Variants in EXOC6B observed in about 807,000 individuals in gnomAD.
EXOC6B encodes SEC15 homolog B.
Under a neutral mutation model 113.5 loss-of-function variants are expected in EXOC6B, and 54 were observed. The ratio of observed to expected loss-of-function variants is 0.48; its 90% CI spans 0.38 to 0.60. The LOEUF (loss-of-function observed/expected upper bound fraction) is 0.60, where lower values mean the gene tolerates loss of function less well. Ranked by LOEUF, EXOC6B falls within the 20% of genes least tolerant of loss-of-function variation. The pLI is 0.00. For missense variants in EXOC6B, 797 were observed against 977.5 expected (o/e 0.82, Z 2.46); for synonymous variants, 357 against 339.0 (o/e 1.05, Z -0.58).
chr2:72,506,828 A>C (rs1700620675), intron 11 of EXOC6B, among the ~76,000 whole-genome samples: 1 of 152,104 alleles, frequency 6.6e-6, no homozygotes, highest in South Asian at 2.1e-4. Flanking sequence ...TTTTGGACTG[A>C]AGGACTAGGT....
At chr2:72,617,339 G>A (rs1260584555) in intron 6 of EXOC6B, among the ~76,000 whole-genome samples, 3 of 152,148 alleles carry the variant, frequency 2.0e-5, no homozygotes, top group East Asian at 3.9e-4. Context: ...CCACTAGGTG[G>A]TGTCCCAGTA....
At chr2:72,218,962 TA>T (rs57748151) in intron 20 of EXOC6B, among the ~76,000 whole-genome samples, 25,109 of 141,396 alleles carry the variant, frequency 0.18, 2,260 homozygotes, top group Non-Finnish European at 0.22. Context: ...TGCTATTTCT[TA>T]AAAAAAAAAA....
At chr2:72,301,643 C>T (rs542931395) in intron 20 of EXOC6B, among the ~76,000 whole-genome samples, 3 of 152,186 alleles carry the variant, frequency 2.0e-5, no homozygotes, top group Admixed American at 2.0e-4. Context: ...TACAGGTGTT[C>T]GTAGTAGTCT....
intron 19 of EXOC6B, among the ~76,000 whole-genome samples, chr2:72,364,371 T>C (rs935381142): frequency 3.3e-5 from 5 of 152,134 alleles, no homozygotes; most frequent in African/African-American, 1.2e-4. Flanking sequence ...TTAGTGGCTC[T>C]AAAATATATG....
At chr2:72,730,613 C>A (rs899029166) in intron 5 of EXOC6B, among the ~76,000 whole-genome samples, 1 of 151,542 alleles carries the variant, frequency 6.6e-6, no homozygotes, top group African/African-American at 2.4e-5. Flanking sequence ...CACACACACA[C>A]ACACACACGC....
intron 8 of EXOC6B, 104 bp downstream of exon 8, chr2:72,559,349 A>AT: frequency 1.4e-6 from 1 of 739,362 alleles, no homozygotes; most frequent in Non-Finnish European, 2.0e-6. Context: ...GAGTTTTCTC[A>AT]TTTTTCACTC....
At chr2:72,671,356 T>C (rs2104496260) in intron 6 of EXOC6B, among the ~76,000 whole-genome samples, 1 of 152,170 alleles carries the variant, frequency 6.6e-6, no homozygotes, top group South Asian at 2.1e-4. Flanking sequence ...AAGATCTGAA[T>C]AGACATTTTT....
intron 1 of EXOC6B, among the ~76,000 whole-genome samples, chr2:72,790,749 A>G (rs1684628967): frequency 1.3e-5 from 2 of 152,230 alleles, no homozygotes; most frequent in Admixed American, 1.3e-4. Flanking sequence ...ACTATTCTCT[A>G]GGTGGTTTTT....
At chr2:72,184,345 C>T (rs1678283851) in intron 20 of EXOC6B, among the ~76,000 whole-genome samples, 158 bp from the exon 21 acceptor site, 1 of 152,066 alleles carries the variant, frequency 6.6e-6, no homozygotes, top group Admixed American at 6.6e-5. Flanking sequence ...ATTCTTTCAA[C>T]CAAGAAAATA....
intron 20 of EXOC6B, among the ~76,000 whole-genome samples, chr2:72,293,634 G>C (rs1310852673): frequency 6.6e-6 from 1 of 152,108 alleles, no homozygotes. Flanking sequence ...TGAAAGTCTG[G>C]TTTTGGAGCT....
intron 6 of EXOC6B, among the ~76,000 whole-genome samples, chr2:72,695,495 G>T (rs1016147135): frequency 1.3e-5 from 2 of 151,584 alleles, no homozygotes; most frequent in African/African-American, 4.8e-5. Flanking sequence ...TTTGAACAGA[G>T]AAACCAAAGA....
intron 6 of EXOC6B, among the ~76,000 whole-genome samples, chr2:72,585,032 C>T (rs191108589): frequency 6.6e-6 from 1 of 151,980 alleles, no homozygotes; most frequent in Non-Finnish European, 1.5e-5. Context: ...AAGTTTATAG[C>T]CCTAAACATC....
chr2:72,333,859 G>A (rs1363328256), intron 20 of EXOC6B, among the ~76,000 whole-genome samples: 2 of 152,094 alleles, frequency 1.3e-5, no homozygotes, highest in African/African-American at 4.8e-5. Context: ...CAAGGATTCA[G>A]GGGTAGCTCA....
At chr2:72,184,470 G>A (rs959730602) in intron 20 of EXOC6B, among the ~76,000 whole-genome samples, 2 of 152,016 alleles carry the variant, frequency 1.3e-5, no homozygotes, top group African/African-American at 4.8e-5. Flanking sequence ...AAACTAACAC[G>A]GGACTGAATC....
At chr2:72,716,264 T>G (rs1167574573) in intron 6 of EXOC6B, among the ~76,000 whole-genome samples, 1 of 152,148 alleles carries the variant, frequency 6.6e-6, no homozygotes, top group African/African-American at 2.4e-5. Flanking sequence ...AGTACTTAAA[T>G]CACCATTGCA....
intron 5 of EXOC6B, among the ~76,000 whole-genome samples, chr2:72,725,101 CAT>C (rs927863861): frequency 2.0e-5 from 3 of 152,180 alleles, no homozygotes; most frequent in African/African-American, 7.2e-5. Context: ...TAAATACACA[CAT>C]GTGTGCACAT....
chr2:72,249,724 C>T (rs1682888055), intron 20 of EXOC6B, among the ~76,000 whole-genome samples: 2 of 152,054 alleles, frequency 1.3e-5, no homozygotes, highest in South Asian at 4.1e-4. Context: ...AATTTATTTG[C>T]TTCTTATGAT....
At chr2:72,738,523 T>C (rs958130203) in intron 2 of EXOC6B, among the ~76,000 whole-genome samples, 3 of 152,112 alleles carry the variant, frequency 2.0e-5, no homozygotes, top group African/African-American at 7.2e-5. Flanking sequence ...CAAAACTGAG[T>C]TTTCTGATGA....
At chr2:72,439,293 G>T (rs1445425499) in intron 18 of EXOC6B, among the ~76,000 whole-genome samples, 1 of 152,100 alleles carries the variant, frequency 6.6e-6, no homozygotes, top group Non-Finnish European at 1.5e-5. Flanking sequence ...TATCGAGGTG[G>T]GGAAAGTGCT....
Sources: allele counts gnomAD v4.1 joint callset (sites outside exome capture counted in the v4.1 genomes callset), GRCh38; gene constraint gnomAD v4.1.1; transcripts MANE v1.5; gene names NCBI Gene and HGNC (gene_info 2026-07-23, HGNC 2026-07-21).